The following GLUD1 variants were observed in gnomAD, a reference collection of about 807,000 sequenced individuals.
GLUD1 encodes the protein glutamate dehydrogenase 1, also known as glutamate dehydrogenase 1, mitochondrial.
A neutral mutation model predicts 56.0 loss-of-function variants in GLUD1; 22 were observed. That is an observed-to-expected ratio of 0.39 (90% CI 0.28 to 0.56). The LOEUF (loss-of-function observed/expected upper bound fraction) is 0.56, where lower values mean the gene tolerates loss of function less well. Ranked by LOEUF, GLUD1 falls within the 20% of genes least tolerant of loss-of-function variation. The pLI is 0.58. For synonymous variants in GLUD1, 223 were observed against 269.9 expected (o/e 0.83, Z 1.70); for missense variants, 451 against 732.0 (o/e 0.62, Z 4.43).
At chr10:87,068,580 G>C (rs561244651) in intron 4 of GLUD1, among the ~76,000 whole-genome samples, 1 of 152,192 alleles carries the variant, frequency 6.6e-6, no homozygotes, top group South Asian at 2.1e-4. Context: ...AGATAGCAGA[G>C]TAACATGCTG....
intron 3 of GLUD1, 96 bp from the exon 4 acceptor site, chr10:87,074,710 C>T: frequency 1.3e-6 from 1 of 769,288 alleles, no homozygotes; most frequent in Non-Finnish European, 2.4e-6. Flanking sequence ...AGTACATTTT[C>T]ATATGTCTTC....
chr10:87,079,355 T>A (rs895214548), intron 1 of GLUD1, among the ~76,000 whole-genome samples: 1 of 151,654 alleles, frequency 6.6e-6, no homozygotes, highest in Non-Finnish European at 1.5e-5. Flanking sequence ...GGAGAGTCAC[T>A]TGAGCCCAGG....
intron 6 of GLUD1, 136 bp downstream of exon 6, chr10:87,062,520 T>C: frequency 1.3e-6 from 1 of 741,282 alleles, no homozygotes; most frequent in Non-Finnish European, 2.3e-6. Flanking sequence ...AAAATATCTA[T>C]TACTCTGAAA....
intron 6 of GLUD1, among the ~76,000 whole-genome samples, chr10:87,061,668 G>A (rs1845935655): frequency 6.6e-6 from 1 of 151,644 alleles, no homozygotes; most frequent in Admixed American, 6.6e-5. Flanking sequence ...ACAGGCTGGA[G>A]TGCAATGGCA....
rs1192671798 is a variant in GLUD1 at position 87,060,690 on chromosome 10, T to G, written c.1195A>C (p.Lys399Gln). The G allele has an allele frequency of 1.9e-6, 3 of 1,614,088 alleles. No homozygotes were observed. Among genetic ancestry groups the G allele is most frequent in the Non-Finnish European group, 2.5e-6 (3 of 1,180,038 alleles). Residue 399 changes from lysine to glutamine, a missense_variant and splice_region_variant, in exon 8 of 13, where the codon AAG becomes CAG. Coordinates refer to ENST00000277865, the MANE Select transcript of GLUD1 (RefSeq NM_005271.5). ...TCTGGTTTCTATAATGTTGTCACCTTGGCTTTGACTCTGGGTGCGTTGGAT... is the reference window on the plus strand; with the variant it reads ...TCTGGTTTCTATAATGTTGTCACCTGGGCTTTGACTCTGGGTGCGTTGGAT... ...TKSNAPRVKAKIIAEGANGPT... is the reference protein window; with the variant it reads ...TKSNAPRVKAQIIAEGANGPT...
rs1845969424 is a variant in GLUD1 at position 87,062,774 on chromosome 10, C to T, written c.803G>A (p.Arg268His). The T allele has an allele frequency of 4.3e-6, 7 of 1,614,102 alleles. No homozygotes were observed. Among genetic ancestry groups the T allele is most frequent in the South Asian group, 1.1e-5 (1 of 91,072 alleles). Residue 268 changes from arginine (R) to histidine (H), a missense_variant, in exon 6 of 13, where the codon CGC (arginine) becomes CAC (histidine). By Grantham distance (29) the Arg-to-His change is conservative. This residue lies in a region of GLUD1 where 248 missense variants were observed against 460.0 expected (regional missense o/e 0.54). Coordinates refer to ENST00000277865, the MANE Select transcript of GLUD1 (RefSeq NM_005271.5). The stretch of plus-strand genomic sequence containing the variant: ...GACACCACGGCCAGTAGCAGAGATG[C>T]GTCCATGGATTCCCCCTTGGCTGAT... ...KPISQGGIHG[R>H]ISATGRGVFH...
At chr10:87,061,350 CCGT>C (rs1384543228) in intron 6 of GLUD1, 1 of 478,896 alleles carries the variant, frequency 2.1e-6, no homozygotes, top group Non-Finnish European at 4.0e-6. Context: ...TGGTGAAACC[CCGT>C]CTCTACTAAA....
rs185771464 is a variant in GLUD1, at chr10:87,063,364, C to T, written c.742-529G>A. 1.6e-3 allele frequency among the ~76,000 whole-genome samples: 240 copies of T among 152,278 alleles called. 4 individuals are homozygous for T. The highest frequency in any genetic ancestry group is 0.014 in the Admixed American group (210 of 15,284). ...CTAGAATTACAAGCGTGAGCCACCA[C>T]GCCCGGCAAAGTAGACCATATTTTC... On this transcript the variant is annotated intron_variant, in intron 5 of 12. Coordinates refer to ENST00000277865, the MANE Select transcript of GLUD1 (RefSeq NM_005271.5).
At chr10:87,053,881 T>C (rs143965078) in intron 11 of GLUD1, among the ~76,000 whole-genome samples, 34 of 152,216 alleles carry the variant, frequency 2.2e-4, no homozygotes, top group Admixed American at 7.9e-4. Context: ...ATCTATTCAG[T>C]AGTGCCAGCA....
rs777176744 is a variant in GLUD1, at chr10:87,053,296, C to T, written c.1557+46G>A. 10 of 1,270,118 alleles carry T rather than the reference C, an allele frequency of 7.9e-6. No homozygotes were observed. The Admixed American group carries it at 8.4e-5, about 11-fold the overall frequency. The allele number at this position is 1,270,118 out of a possible 1,614,324, so 78.7% of individuals were successfully genotyped here. A position where few individuals can be genotyped will look rare whatever the true frequency, so the allele number is the denominator to read the frequency against. ...CGGCTGAGATAGCATGGTTGAGTTG[C>T]ACTTCATGTGACTAGCTGGAAGGCA... On this transcript the variant is annotated intron_variant, in intron 12 of 12. Transcript: ENST00000277865.
chr10:87,091,073 G>C (rs1841500117), intron 1 of GLUD1, among the ~76,000 whole-genome samples: 1 of 152,084 alleles, frequency 6.6e-6, no homozygotes, highest in Non-Finnish European at 1.5e-5. Flanking sequence ...GATTAATATA[G>C]GGTACACTTT....
intron 8 of GLUD1, 192 bp from the exon 9 acceptor site, chr10:87,060,433 T>C (rs1230056838): frequency 1.5e-6 from 1 of 668,150 alleles, no homozygotes; most frequent in East Asian, 2.7e-5. Context: ...TCTAGGTTTT[T>C]TTTTTGTTTG....
intron 1 of GLUD1, among the ~76,000 whole-genome samples, chr10:87,088,390 C>G (rs138325685): frequency 6.6e-6 from 1 of 152,004 alleles, no homozygotes; most frequent in African/African-American, 2.4e-5. Flanking sequence ...AGAGATCTTG[C>G]CTGCAGGAAC....
intron 4 of GLUD1, 121 bp from the exon 5 acceptor site, chr10:87,068,278 A>T: frequency 1.4e-6 from 1 of 694,776 alleles, no homozygotes. Flanking sequence ...TTTAGATCTC[A>T]TTTAGGTAGC....
chr10:87,079,188 T>G (rs1443549930), intron 1 of GLUD1, among the ~76,000 whole-genome samples: 1 of 151,316 alleles, frequency 6.6e-6, no homozygotes, highest in African/African-American at 2.4e-5. Context: ...AATAAAAAAT[T>G]TAAAAAGAAT....
At chr10:87,079,968 C>T (rs1450617332) in intron 1 of GLUD1, among the ~76,000 whole-genome samples, 8 of 146,700 alleles carry the variant, frequency 5.5e-5, no homozygotes, top group Middle Eastern at 7.0e-3. Flanking sequence ...CCTCTCCCCA[C>T]GGTCTCCCTC....
intron 3 of GLUD1, among the ~76,000 whole-genome samples, chr10:87,075,555 G>A (rs950798062): frequency 6.6e-6 from 1 of 152,118 alleles, no homozygotes; most frequent in African/African-American, 2.4e-5. Context: ...GGGGACTACT[G>A]ATCTCACTGA....
chr10:87,060,445 T>C (rs575664535), intron 8 of GLUD1: 2 of 666,448 alleles, frequency 3.0e-6, no homozygotes, highest in Non-Finnish European at 5.2e-6. Flanking sequence ...TTTTGTTTGC[T>C]TGTTTTTTTT....
chr10:87,091,876 A>G (rs1263752369), intron 1 of GLUD1, among the ~76,000 whole-genome samples: 12 of 151,878 alleles, frequency 7.9e-5, no homozygotes, highest in Admixed American at 7.2e-4. Context: ...TTTTTTGGCA[A>G]AGAACCAATG....
Sources: allele counts gnomAD v4.1 joint callset (sites outside exome capture counted in the v4.1 genomes callset), GRCh38; gene constraint gnomAD v4.1.1; regional missense constraint gnomAD v4.1.1; transcripts MANE v1.5; gene names NCBI Gene and HGNC (gene_info 2026-07-23, HGNC 2026-07-21).